Variants in DLGAP1 observed in about 807,000 individuals in gnomAD.
DLGAP1 encodes disks large-associated protein 1.
A neutral mutation model predicts 90.8 loss-of-function variants in DLGAP1; 11 were observed. The ratio of observed to expected loss-of-function variants is 0.12; its 90% CI spans 0.08 to 0.20. DLGAP1 has a LOEUF of 0.20. Ranked by LOEUF, DLGAP1 falls within the 10% of genes least tolerant of loss-of-function variation. The pLI is 1.00. For synonymous variants in DLGAP1, 558 were observed against 540.7 expected (o/e 1.03, Z -0.44); for missense variants, 1,050 against 1,333.8 (o/e 0.79, Z 3.31).
intron 2 of DLGAP1, among the ~76,000 whole-genome samples, chr18:4,144,803 G>A (rs2076557427): frequency 6.6e-6 from 1 of 152,028 alleles, no homozygotes; most frequent in African/African-American, 2.4e-5. Context: ...AAAATGTCTA[G>A]CATATGATAA....
intron 2 of DLGAP1, among the ~76,000 whole-genome samples, chr18:4,057,995 A>AG (rs1365231197): frequency 1.3e-5 from 2 of 152,184 alleles, no homozygotes; most frequent in African/African-American, 4.8e-5. Context: ...TTGTGGAGGA[A>AG]GGAAGAACCC....
intron 1 of DLGAP1, among the ~76,000 whole-genome samples, chr18:4,298,878 G>T (rs1047817805): frequency 6.6e-6 from 1 of 151,852 alleles, no homozygotes; most frequent in East Asian, 1.9e-4. Flanking sequence ...TCAAGAGATC[G>T]AAACTATCCG....
chr18:3,676,041 G>A (rs2060286138), intron 7 of DLGAP1, among the ~76,000 whole-genome samples: 1 of 152,198 alleles, frequency 6.6e-6, no homozygotes, highest in Admixed American at 6.5e-5. Context: ...TCCTTTTAAT[G>A]AAAAGCAGCC....
chr18:4,007,751 G>A (rs1391962325), intron 2 of DLGAP1, among the ~76,000 whole-genome samples: 1 of 152,164 alleles, frequency 6.6e-6, no homozygotes, highest in Non-Finnish European at 1.5e-5. Context: ...GTGTGTGTGT[G>A]TATTGGCTTG....
chr18:4,063,490 T>C (rs1419935033), intron 2 of DLGAP1, among the ~76,000 whole-genome samples: 3 of 152,212 alleles, frequency 2.0e-5, no homozygotes, highest in East Asian at 3.9e-4. Flanking sequence ...GAAACAGCTA[T>C]TGGTTGGCCA....
chr18:4,126,904 G>T (rs1252567232), intron 2 of DLGAP1, among the ~76,000 whole-genome samples: 1 of 152,220 alleles, frequency 6.6e-6, no homozygotes, highest in Non-Finnish European at 1.5e-5. Context: ...CAAGGGAAAT[G>T]AGAACATCCT....
At chr18:4,033,324 C>T (rs2074829876) in intron 2 of DLGAP1, among the ~76,000 whole-genome samples, 1 of 151,144 alleles carries the variant, frequency 6.6e-6, no homozygotes, top group South Asian at 2.1e-4. Context: ...TCTTCAAGGT[C>T]CTTCTATTTT....
At position 4,270,461 on chromosome 18, in the gene DLGAP1, GAGTA is replaced by G. The variant is rs1335503601; in HGVS notation, c.-266-119178_-266-119175del. On this transcript the variant is annotated intron_variant, in intron 1 of 12. Coordinates refer to ENST00000315677, the MANE Select transcript of DLGAP1 (RefSeq NM_004746.4). ...CAGATGATTTGTTACTTTAAAACTT[GAGTA>G]AGTAACTTTTCACGAGAATAATTAA... Among the ~76,000 whole-genome samples, 5 of 152,232 alleles carry G rather than the reference GAGTA, an allele frequency of 3.3e-5. No homozygotes were observed. In the South Asian group the frequency reaches 8.3e-4, roughly 25 times the overall value.
At chr18:4,339,424 C>A (rs1568523610) in intron 1 of DLGAP1, among the ~76,000 whole-genome samples, 1 of 152,122 alleles carries the variant, frequency 6.6e-6, no homozygotes. Context: ...CCACCATGCA[C>A]ATGTTTTCCT....
chr18:3,560,815 G>A (rs2054045098), intron 9 of DLGAP1, among the ~76,000 whole-genome samples: 1 of 150,544 alleles, frequency 6.6e-6, no homozygotes, highest in Non-Finnish European at 1.5e-5. Context: ...GAGCATTTAT[G>A]TGATTGAATT....
intron 3 of DLGAP1, among the ~76,000 whole-genome samples, chr18:3,899,743 G>A (rs1204814482): frequency 1.3e-5 from 2 of 152,156 alleles, no homozygotes; most frequent in East Asian, 1.9e-4. Context: ...GAAATGTATT[G>A]TTCTTTTTCT....
chr18:4,224,129 G>A (rs2078136448), intron 1 of DLGAP1, among the ~76,000 whole-genome samples: 1 of 152,106 alleles, frequency 6.6e-6, no homozygotes, highest in African/African-American at 2.4e-5. Flanking sequence ...ACTCAGTCCT[G>A]GCAGGATTCA....
rs139610796 is a variant in DLGAP1, at chr18:3,595,734, C to T, written c.1592-13486G>A. ...AGTAGGGAATGTGATCAGGATTTCA[C>T]GGCTCATTTTCCCAGCCTTTCCAAC... is the stretch of plus-strand genomic sequence containing the variant. On this transcript the variant is annotated intron_variant, in intron 7 of 12. Coordinates refer to ENST00000315677, the MANE Select transcript of DLGAP1 (RefSeq NM_004746.4). 5.1e-4 allele frequency among the ~76,000 whole-genome samples: 77 copies of T among 152,330 alleles called. 1 individual carries two copies. The highest frequency in any genetic ancestry group is 6.9e-4 in the Non-Finnish European group (47 of 68,020).
chr18:3,864,975 A>G (rs2070300439), intron 4 of DLGAP1, among the ~76,000 whole-genome samples: 1 of 152,086 alleles, frequency 6.6e-6, no homozygotes, highest in Non-Finnish European at 1.5e-5. Context: ...ACACTTAGTT[A>G]ACACTCTGGG....
At chr18:4,371,181 C>T (rs1453399795) in intron 1 of DLGAP1, among the ~76,000 whole-genome samples, 4 of 152,112 alleles carry the variant, frequency 2.6e-5, no homozygotes, top group Non-Finnish European at 5.9e-5. Context: ...ATAAGACTGC[C>T]AATATCCTCA....
At chr18:4,048,096 T>C (rs2075082021) in intron 2 of DLGAP1, among the ~76,000 whole-genome samples, 1 of 152,160 alleles carries the variant, frequency 6.6e-6, no homozygotes, top group Non-Finnish European at 1.5e-5. Context: ...CAGCATCCAG[T>C]CCTAAAAACT....
intron 2 of DLGAP1, among the ~76,000 whole-genome samples, chr18:4,123,722 C>A (rs1345078660): frequency 2.0e-5 from 3 of 151,872 alleles, no homozygotes; most frequent in Non-Finnish European, 2.9e-5. Flanking sequence ...AAGCGGAGGG[C>A]CCTCCTCTCC....
At chr18:3,512,905 A>G (rs1568105928) in intron 10 of DLGAP1, among the ~76,000 whole-genome samples, 1 of 152,138 alleles carries the variant, frequency 6.6e-6, no homozygotes, top group Non-Finnish European at 1.5e-5. Context: ...CTACCCTCTT[A>G]ACAAATATTT....
chr18:4,032,626 C>T (rs756218504), intron 2 of DLGAP1, among the ~76,000 whole-genome samples: 2 of 152,070 alleles, frequency 1.3e-5, no homozygotes, highest in African/African-American at 4.8e-5. Context: ...ACAGCAGGGC[C>T]GGCTAAAATC....
Sources: allele counts gnomAD v4.1 joint callset (sites outside exome capture counted in the v4.1 genomes callset), GRCh38; gene constraint gnomAD v4.1.1; transcripts MANE v1.5; gene names NCBI Gene and HGNC (gene_info 2026-07-23, HGNC 2026-07-21).